The following NCK2 variants were observed in gnomAD, a reference collection of about 807,000 sequenced individuals.
NCK2 encodes the protein NCK adaptor protein 2.
In NCK2, 16 loss-of-function variants were observed where a neutral mutation model predicts 33.9. The observed-to-expected ratio is 0.47, with a 90% CI of 0.32 to 0.72. The LOEUF (loss-of-function observed/expected upper bound fraction) is 0.72. Ranked by LOEUF, NCK2 falls within the 30% of genes least tolerant of loss-of-function variation. The pLI, the probability that NCK2 is intolerant of heterozygous loss-of-function variation, is 0.03. For missense variants in NCK2, 418 were observed against 537.3 expected, an observed-to-expected ratio of 0.78 and a Z score of 2.19; for synonymous variants, 273 against 239.9, an observed-to-expected ratio of 1.14 and a Z score of -1.27.
At chr2:105,857,097 G>A (rs1187295692) in intron 3 of NCK2, 2 of 151,562 alleles carry the variant, frequency 1.3e-5, no homozygotes, top group South Asian at 2.1e-4. Context: ...AGACTTGTAG[G>A]AAGTAGAACA....
At chr2:105,788,722 CA>C (rs1423232864) in intron 1 of NCK2, among the ~76,000 whole-genome samples, 6 of 152,018 alleles carry the variant, frequency 3.9e-5, no homozygotes, top group African/African-American at 1.4e-4. Context: ...CCATAGAATG[CA>C]TAATTTTTTT....
intron 2 of NCK2, among the ~76,000 whole-genome samples, chr2:105,832,874 G>A (rs184064917): frequency 1.9e-3 from 281 of 148,636 alleles, no homozygotes; most frequent in Middle Eastern, 3.5e-3. Context: ...GTTTCGTTTC[G>A]TTTTTGTTTC....
At chr2:105,838,134 C>G (rs1301140419) in intron 2 of NCK2, among the ~76,000 whole-genome samples, 1 of 151,706 alleles carries the variant, frequency 6.6e-6, no homozygotes, top group African/African-American at 2.4e-5. Flanking sequence ...TAGATAACCA[C>G]TATTTATAAA....
intron 1 of NCK2, among the ~76,000 whole-genome samples, chr2:105,791,730 G>A (rs142102474): frequency 1.5e-3 from 235 of 152,248 alleles, no homozygotes; most frequent in African/African-American, 5.3e-3. Flanking sequence ...TACATTCTTC[G>A]TAGAGCTTGT....
At chr2:105,759,953 G>A (rs551666068) in intron 1 of NCK2, among the ~76,000 whole-genome samples, 5 of 152,286 alleles carry the variant, frequency 3.3e-5, no homozygotes, top group Admixed American at 1.3e-4. Context: ...TGTGATCAGC[G>A]TGGCTTATGA....
chr2:105,818,210 T>C (rs79689040), intron 2 of NCK2, among the ~76,000 whole-genome samples: 1 of 138,620 alleles, frequency 7.2e-6, no homozygotes, highest in Non-Finnish European at 1.5e-5. Flanking sequence ...TTCTAACTCA[T>C]AGGTGGGAAT....
intron 3 of NCK2, among the ~76,000 whole-genome samples, chr2:105,879,211 A>G (rs1049705410): frequency 2.0e-5 from 3 of 152,176 alleles, no homozygotes; most frequent in Admixed American, 6.5e-5. Context: ...TTATTGTTCA[A>G]TGTTATTTCT....
At position 105,891,223 on chromosome 2, in the gene NCK2, C is replaced by T. The variant is rs114693785; in HGVS notation, c.949-1759C>T. 7.2e-3 allele frequency among the ~76,000 whole-genome samples: 1,094 copies of T among 152,276 alleles called. 17 individuals are homozygous for T. The highest frequency in any genetic ancestry group is 0.025 in the African/African-American group (1,021 of 41,552). ...GCGCACGCTCACACACTTAGAGCTG[C>T]GGTATCTCATGCTCCTCTTTCATGC... On this transcript the variant is annotated intron_variant, in intron 4 of 4. Transcript: ENST00000233154.
At position 105,775,274 on chromosome 2, in the gene NCK2, A is replaced by C. The variant is rs1335453717; in HGVS notation, c.-201+30136A>C. ...CTTTGTGGATTTTTAATTTTTCATGATGGGAAATTTCAAAATTTAAGAATC... is the reference window on the plus strand; with the variant it reads ...CTTTGTGGATTTTTAATTTTTCATGCTGGGAAATTTCAAAATTTAAGAATC... On this transcript the variant is annotated intron_variant, in intron 1 of 4. Coordinates refer to ENST00000233154, the MANE Select transcript of NCK2 (RefSeq NM_003581.5). Among the ~76,000 whole-genome samples, 7 of 152,284 alleles carry C rather than the reference A, an allele frequency of 4.6e-5. No homozygotes were observed. The East Asian group carries it at 1.4e-3, about 29-fold the overall frequency.
intron 4 of NCK2, among the ~76,000 whole-genome samples, chr2:105,888,778 T>C (rs1678829234): frequency 6.6e-6 from 1 of 152,138 alleles, no homozygotes; most frequent in Non-Finnish European, 1.5e-5. Context: ...AGCTGTCATG[T>C]TGAGAGTACA....
intron 1 of NCK2, among the ~76,000 whole-genome samples, chr2:105,768,678 A>T (rs72825111): frequency 0.34 from 51,223 of 152,056 alleles, 9,746 homozygotes; most frequent in East Asian, 0.46. Flanking sequence ...TTTTTTTTGA[A>T]ATTTTCTTTT....
chr2:105,837,222 T>C (rs1393368186), intron 2 of NCK2, among the ~76,000 whole-genome samples: 1 of 152,216 alleles, frequency 6.6e-6, no homozygotes, highest in Non-Finnish European at 1.5e-5. Flanking sequence ...ATGAGGTGAT[T>C]GCTGGGTGTG....
At chr2:105,760,894 C>CA (rs1423029764) in intron 1 of NCK2, among the ~76,000 whole-genome samples, 2 of 151,992 alleles carry the variant, frequency 1.3e-5, no homozygotes, top group Non-Finnish European at 2.9e-5. Context: ...CTACATGTGT[C>CA]ATGCCTTGCG....
chr2:105,891,323 A>G (rs1015046220), intron 4 of NCK2, among the ~76,000 whole-genome samples: 12 of 147,554 alleles, frequency 8.1e-5, no homozygotes, highest in Non-Finnish European at 9.0e-5. Context: ...GTACACCTCT[A>G]TTTATCTGTT....
intron 1 of NCK2, among the ~76,000 whole-genome samples, chr2:105,809,315 C>T (rs766243844): frequency 6.6e-6 from 1 of 152,152 alleles, no homozygotes; most frequent in Non-Finnish European, 1.5e-5. Context: ...CCCAGGCTGC[C>T]ATGGGAAAGT....
At chr2:105,835,192 G>A (rs1423274300) in intron 2 of NCK2, among the ~76,000 whole-genome samples, 3 of 151,076 alleles carry the variant, frequency 2.0e-5, no homozygotes, top group African/African-American at 7.3e-5. Context: ...GTGTTTCCAT[G>A]ATGGCAGATA....
At chr2:105,840,179 G>C (rs796723654) in intron 2 of NCK2, among the ~76,000 whole-genome samples, 2 of 152,114 alleles carry the variant, frequency 1.3e-5, no homozygotes, top group Non-Finnish European at 2.9e-5. Context: ...AATTTAGCAT[G>C]TCTTATGCTA....
At chr2:105,766,189 G>A (rs1178372181) in intron 1 of NCK2, among the ~76,000 whole-genome samples, 2 of 152,188 alleles carry the variant, frequency 1.3e-5, no homozygotes, top group African/African-American at 4.8e-5. Flanking sequence ...AGCACATTCT[G>A]GTAGCAGGAG....
At chr2:105,855,625 T>G (rs568459467) in intron 3 of NCK2, 128 of 219,176 alleles carry the variant, frequency 5.8e-4, no homozygotes, top group Non-Finnish European at 7.8e-4. Context: ...TGTCGTGACA[T>G]GAAGTTCTTT....
Sources: gnomAD v4.1 joint callset for allele counts (sites outside exome capture counted in the v4.1 genomes callset) on GRCh38, gnomAD v4.1.1 for gene constraint, MANE v1.5 for transcripts, NCBI Gene and HGNC (gene_info 2026-07-23, HGNC 2026-07-21) for gene names.